Variants in SFI1 observed in about 807,000 individuals in gnomAD.
The protein encoded by SFI1 is SFI1 centrin binding protein.
Under a neutral mutation model 207.5 loss-of-function variants are expected in SFI1, and 195 were observed. The ratio of observed to expected loss-of-function variants is 0.94; its 90% CI spans 0.84 to 1.06. SFI1 has a LOEUF of 1.06. SFI1 is among the 50% of genes least tolerant of loss of function. The pLI, the probability that SFI1 is intolerant of heterozygous loss-of-function variation, is 0.00. For missense variants in SFI1, 1,634 were observed against 1,588.0 expected (o/e 1.03, Z -0.49); for synonymous variants, 630 against 598.9 (o/e 1.05, Z -0.76).
Position 31,615,217 on chromosome 22 carries a change from C to G in SFI1, c.3238C>G (p.Pro1080Ala). The G allele has an allele frequency of 6.4e-7, 1 of 1,558,854 alleles. No individual in the cohort carries two copies. Among genetic ancestry groups the G allele is most frequent in the Non-Finnish European group, 8.6e-7 (1 of 1,158,828 alleles). Residue 1080 changes from proline (P) to alanine (A), a missense_variant, in exon 29 of 33, where the codon CCG becomes GCG. Coordinates refer to ENST00000400288, the MANE Select transcript of SFI1 (RefSeq NM_001007467.3). ...GCAGCCCCCGACGGCAAGCACAGGC[C>G]CGGAGCTGCTGCTGCTGCCTCTTTC... is the stretch of plus-strand genomic sequence containing the variant. The part of the protein sequence containing the change: ...PKQPPTASTG[P>A]ELLLLPLSSF...
At chr22:31,525,257 C>G (rs574654170) in intron 2 of SFI1, among the ~76,000 whole-genome samples, 3 of 152,072 alleles carry the variant, frequency 2.0e-5, no homozygotes, top group African/African-American at 4.8e-5. Flanking sequence ...TATTTCTTCT[C>G]GTAGCTTTCT....
rs764025966 is a variant in SFI1 at position 31,508,360 on chromosome 22, A to G, written c.76A>G (p.Lys26Glu). 1.9e-6 allele frequency: 3 copies of G among 1,612,424 alleles called. No homozygotes were observed. Among genetic ancestry groups the G allele is most frequent in the South Asian group, 1.1e-5 (1 of 90,930 alleles). ...HQKVIKQRME[K>E]KVDSRYFKDG... ...AAAAGTGATTAAGCAGAGAATGGAG[A>G]AGAAGGTTGATTCCAGGTGAGTGAT... is the stretch of plus-strand genomic sequence containing the variant. Residue 26 changes from lysine to glutamate, a missense_variant, in exon 2 of 33, where the codon AAG (lysine) becomes GAG (glutamate). Physicochemically the swap from Lys to Glu is moderately conservative, Grantham distance 56. Transcript: ENST00000400288.
chr22:31,528,780 G>GT lies in SFI1; in HGVS notation c.185dup (p.Leu62PhefsTer3), dbSNP rs1460226162. On this transcript the variant is annotated frameshift_variant, in exon 3 of 33. Transcript: ENST00000400288. LOFTEE classifies it high-confidence loss of function. ...CTGCATCCTTTGGGATCCGGAGGGA[G>GT]TTACCTAGTACCAGTCATCTAGTGC... 2.5e-6 allele frequency: 4 copies of GT among 1,614,016 alleles called. No homozygotes were observed. The East Asian group carries it at 6.7e-5, about 27-fold the overall frequency.
chr22:31,606,204 A>G (rs781115452), intron 20 of SFI1, 124 bp from the exon 21 acceptor site: 22 of 803,404 alleles, frequency 2.7e-5, no homozygotes, highest in Admixed American at 1.8e-4. Flanking sequence ...TTGGTGAAAC[A>G]GACATTCTTA....
chr22:31,509,168 T>A (rs901498757), intron 2 of SFI1, among the ~76,000 whole-genome samples: 1 of 152,202 alleles, frequency 6.6e-6, no homozygotes, highest in East Asian at 1.9e-4. Flanking sequence ...CATATAGTTG[T>A]GTTAGTCAGG....
At chr22:31,558,588 C>G (rs2061388728) in intron 7 of SFI1, among the ~76,000 whole-genome samples, 1 of 151,572 alleles carries the variant, frequency 6.6e-6, no homozygotes, top group Admixed American at 6.6e-5. Context: ...AGCGATTCTT[C>G]TGCCTTGGCC....
At chr22:31,590,725 A>T (rs1175103634) in intron 15 of SFI1, among the ~76,000 whole-genome samples, 1 of 151,030 alleles carries the variant, frequency 6.6e-6, no homozygotes, top group African/African-American at 2.4e-5. Flanking sequence ...AAGGTCTCGA[A>T]CTCCTGACCT....
chr22:31,604,352 C>T lies in SFI1; in HGVS notation c.1925C>T (p.Ala642Val). 1 of 1,579,442 alleles carries T rather than the reference C, an allele frequency of 6.3e-7. No individual in the cohort carries two copies. The highest frequency in any genetic ancestry group is 8.6e-7 in the Non-Finnish European group (1 of 1,164,944). Residue 642 changes from alanine (A) to valine (V), a missense_variant, in exon 19 of 33, where the codon GCA (alanine) becomes GTA (valine). Transcript: ENST00000400288. The stretch of plus-strand genomic sequence containing the variant: ...GCGGAGCGGCAGAAGCTGATGCGAG[C>T]AGACCTGCACCACCAGCACAGCGTG... Reference protein sequence around the residue: ...RGAERQKLMRADLHHQHSVLH... With the variant: ...RGAERQKLMRVDLHHQHSVLH...
chr22:31,554,019 C>T (rs5753690), intron 6 of SFI1, among the ~76,000 whole-genome samples: 41,463 of 150,524 alleles, frequency 0.28, 6,045 homozygotes, highest in East Asian at 0.41. Context: ...TTATATTTTA[C>T]AGAGATGGGG....
chr22:31,580,497 C>A, intron 12 of SFI1, 133 bp downstream of exon 12: 19 of 533,876 alleles, frequency 3.6e-5, no homozygotes, highest in East Asian at 7.6e-5. Flanking sequence ...TCCAGACTGT[C>A]AACTGTAAAA....
chr22:31,583,360 C>T (rs745872389), intron 12 of SFI1, among the ~76,000 whole-genome samples: 2 of 152,208 alleles, frequency 1.3e-5, no homozygotes, highest in Non-Finnish European at 2.9e-5. Context: ...GGTGATCCAC[C>T]CGCCTTGGCC....
At chr22:31,605,063 C>A in intron 20 of SFI1, 118 bp downstream of exon 20, 2 of 848,016 alleles carry the variant, frequency 2.4e-6, no homozygotes, top group Non-Finnish European at 3.6e-6. Context: ...GGTTCCTAGT[C>A]GCTAATATCA....
At chr22:31,514,368 C>T (rs900219650) in intron 2 of SFI1, among the ~76,000 whole-genome samples, 1 of 151,226 alleles carries the variant, frequency 6.6e-6, no homozygotes, top group South Asian at 2.1e-4. Flanking sequence ...ATTAGCTGGG[C>T]GTGGTGGCGG....
chr22:31,616,502 T>C (rs2071481968), intron 29 of SFI1: 1 of 438,778 alleles, frequency 2.3e-6, no homozygotes, highest in East Asian at 3.6e-5. Flanking sequence ...TGAGGCGGAC[T>C]GTGGTGACAC....
At chr22:31,561,209 T>C in intron 7 of SFI1, 81 bp from the exon 8 acceptor site, 2 of 1,183,006 alleles carry the variant, frequency 1.7e-6, no homozygotes, top group Non-Finnish European at 2.4e-6. Context: ...GCTGAGGGTC[T>C]GAGGCCCCAC....
intron 2 of SFI1, among the ~76,000 whole-genome samples, chr22:31,528,405 C>T (rs564196040): frequency 6.6e-6 from 1 of 152,136 alleles, no homozygotes; most frequent in Non-Finnish European, 1.5e-5. Context: ...GCCTGGGCAA[C>T]GGAGTAAGAA....
chr22:31,525,275 G>T (rs2057773426), intron 2 of SFI1, among the ~76,000 whole-genome samples: 1 of 152,042 alleles, frequency 6.6e-6, no homozygotes, highest in Admixed American at 6.6e-5. Flanking sequence ...TCTAGTTTTG[G>T]ATCTTACATT....
At chr22:31,607,902 T>C (rs921877334) in intron 21 of SFI1, 35 bp from the exon 22 acceptor site, 48 of 1,597,036 alleles carry the variant, frequency 3.0e-5, no homozygotes, top group Non-Finnish European at 3.9e-5. Context: ...CCAGGAGGTA[T>C]AGTGACTCTT....
intron 15 of SFI1, among the ~76,000 whole-genome samples, chr22:31,594,031 G>C (rs574873738): frequency 0.016 from 2,126 of 133,740 alleles, 34 homozygotes; most frequent in Middle Eastern, 0.034. Flanking sequence ...GGAGAGGGAG[G>C]TGTCCATCTT....
Sources: gnomAD v4.1 joint callset for allele counts (sites outside exome capture counted in the v4.1 genomes callset) on GRCh38, gnomAD v4.1.1 for gene constraint, MANE v1.5 for transcripts, NCBI Gene and HGNC (gene_info 2026-07-23, HGNC 2026-07-21) for gene names.